CSMD3: variants seen among roughly 807,000 people sequenced by gnomAD.
CSMD3 encodes CUB and sushi domain-containing protein 3.
In CSMD3, 177 loss-of-function variants were observed where a neutral mutation model predicts 435.2. That is an observed-to-expected ratio of 0.41 (90% CI 0.36 to 0.46). The LOEUF (loss-of-function observed/expected upper bound fraction) is 0.46. Among genes scored for constraint, CSMD3 ranks in the 20% least tolerant of loss-of-function variants. The pLI is 0.34. For synonymous variants in CSMD3, 1,656 were observed against 1,520.5 expected, an observed-to-expected ratio of 1.09 and a Z score of -2.07; for missense variants, 4,265 against 4,504.6, an observed-to-expected ratio of 0.95 and a Z score of 1.52.
At chr8:113,340,614 C>T (rs1484608035) in intron 1 of CSMD3, among the ~76,000 whole-genome samples, 1 of 152,092 alleles carries the variant, frequency 6.6e-6, no homozygotes, top group Non-Finnish European at 1.5e-5. Flanking sequence ...GTGGTGCACA[C>T]TTGTAATCCC....
Position 112,636,878 on chromosome 8 carries a change from T to A in CSMD3, c.3654A>T (p.Ser1218=), listed in dbSNP as rs2074675301. ...CSSGYRLEGT[S]EIICLGGGRR... ...GGCCACCACCAAGACAGATGATCTCTGATGTTCCTTCCAGTCGATAACCCG... is the reference window on the plus strand; with the variant it reads ...GGCCACCACCAAGACAGATGATCTCAGATGTTCCTTCCAGTCGATAACCCG... The change falls in exon 22 of 71, where the codon TCA becomes TCT. Residue 1218 remains serine (S), a synonymous_variant. Transcript: ENST00000297405. The A allele has an allele frequency of 6.2e-6, 10 of 1,612,878 alleles. No individual in the cohort carries two copies. The highest frequency in any genetic ancestry group is 8.5e-6 in the Non-Finnish European group (10 of 1,179,564).
At chr8:113,340,379 G>A (rs2094110054) in intron 1 of CSMD3, among the ~76,000 whole-genome samples, 1 of 152,012 alleles carries the variant, frequency 6.6e-6, no homozygotes, top group Admixed American at 6.6e-5. Context: ...ACACCCAGAA[G>A]ACATAAATAC....
At chr8:113,221,384 C>T (rs1305157682) in intron 3 of CSMD3, among the ~76,000 whole-genome samples, 4 of 150,292 alleles carry the variant, frequency 2.7e-5, no homozygotes, top group Non-Finnish European at 4.5e-5. Context: ...CACACACACA[C>T]GGAGGTAAGG....
intron 5 of CSMD3, among the ~76,000 whole-genome samples, chr8:113,074,456 A>G (rs1260103300): frequency 6.6e-6 from 1 of 151,874 alleles, no homozygotes; most frequent in East Asian, 1.9e-4. Context: ...CTTAAGACAG[A>G]CCTTTCTACC....
At chr8:113,081,139 TATTA>T (rs2089546547) in intron 5 of CSMD3, among the ~76,000 whole-genome samples, 1 of 152,218 alleles carries the variant, frequency 6.6e-6, no homozygotes. Context: ...CTGCAAATTT[TATTA>T]ATTAGGCTCC....
chr8:112,828,684 T>C (rs2079772028), intron 12 of CSMD3, among the ~76,000 whole-genome samples: 2 of 152,266 alleles, frequency 1.3e-5, no homozygotes, highest in South Asian at 2.1e-4. Context: ...ATTGAACATA[T>C]AAAGCATGTA....
At chr8:112,593,314 G>C (rs1415199626) in intron 22 of CSMD3, among the ~76,000 whole-genome samples, 1 of 152,156 alleles carries the variant, frequency 6.6e-6, no homozygotes, top group African/African-American at 2.4e-5. Flanking sequence ...CCCTAGAGAA[G>C]ATTGTTGTAG....
chr8:112,755,802 TATATATAATAA>T (rs1006273792), intron 13 of CSMD3, among the ~76,000 whole-genome samples: 59 of 148,688 alleles, frequency 4.0e-4, no homozygotes, highest in African/African-American at 1.4e-3. Context: ...TTGCATATAT[TATATATAATAA>T]ATATATAATA....
chr8:112,271,232 TAACA>T (rs1276583067), intron 59 of CSMD3, among the ~76,000 whole-genome samples: 1 of 152,182 alleles, frequency 6.6e-6, no homozygotes, highest in Non-Finnish European at 1.5e-5. Context: ...ATATCATTGA[TAACA>T]AATAAATAGG....
chr8:113,043,764 A>AAGAAGC lies in CSMD3; in HGVS notation c.918-24591_918-24586dup, dbSNP rs544478910. On this transcript the variant is annotated intron_variant, in intron 5 of 70. Transcript: ENST00000297405. ...AGTAATTTTGTATCTAATAATTTAG[A>AAGAAGC]AGAAGCAACTTCTTCCTAAAAGGAA... Among the ~76,000 whole-genome samples the AAGAAGC allele has an allele frequency of 4.1e-4, 63 of 152,238 alleles. 1 individual carries two copies. In the South Asian group the frequency reaches 0.013, roughly 32 times the overall value.
At chr8:112,332,348 A>C (rs1322274381) in intron 45 of CSMD3, among the ~76,000 whole-genome samples, 2 of 152,170 alleles carry the variant, frequency 1.3e-5, no homozygotes, top group Non-Finnish European at 2.9e-5. Flanking sequence ...AAATAACTGA[A>C]GATGAGTTAA....
chr8:112,386,729 C>G (rs971036028), intron 36 of CSMD3, among the ~76,000 whole-genome samples: 1 of 151,190 alleles, frequency 6.6e-6, no homozygotes, highest in African/African-American at 2.4e-5. Context: ...TATCTCCTGA[C>G]CTCGTGATCC....
At chr8:113,104,625 G>A (rs1479105139) in intron 4 of CSMD3, among the ~76,000 whole-genome samples, 3 of 151,886 alleles carry the variant, frequency 2.0e-5, no homozygotes, top group Admixed American at 6.6e-5. Flanking sequence ...TGTTTGTCAC[G>A]GTACAACAAA....
At chr8:113,294,065 C>T (rs895042253) in intron 2 of CSMD3, among the ~76,000 whole-genome samples, 15 of 151,958 alleles carry the variant, frequency 9.9e-5, no homozygotes, top group African/African-American at 3.4e-4. Flanking sequence ...ACTCACTGTA[C>T]TCTCTGAGCC....
intron 27 of CSMD3, among the ~76,000 whole-genome samples, chr8:112,533,643 GGAGAGA>G (rs1440133361): frequency 6.6e-6 from 1 of 151,852 alleles, no homozygotes; most frequent in Non-Finnish European, 1.5e-5. Flanking sequence ...ACAGCTAAAG[GGAGAGA>G]GAAAGAACAG....
At chr8:112,807,528 G>C (rs933394384) in intron 12 of CSMD3, among the ~76,000 whole-genome samples, 6 of 150,178 alleles carry the variant, frequency 4.0e-5, no homozygotes, top group Non-Finnish European at 5.9e-5. Flanking sequence ...AGGTAGGTAG[G>C]TAGGTAGGTA....
At chr8:113,232,845 C>T (rs1321587917) in intron 3 of CSMD3, among the ~76,000 whole-genome samples, 1 of 151,768 alleles carries the variant, frequency 6.6e-6, no homozygotes, top group Non-Finnish European at 1.5e-5. Flanking sequence ...GTTAACTCTA[C>T]TGTAAGTGTT....
intron 7 of CSMD3, among the ~76,000 whole-genome samples, chr8:112,958,439 T>G (rs2084110964): frequency 6.6e-6 from 1 of 152,160 alleles, no homozygotes; most frequent in African/African-American, 2.4e-5. Context: ...CTTTATTTAG[T>G]TGTAAGCCCT....
At chr8:113,353,471 C>T (rs1303752400) in intron 1 of CSMD3, among the ~76,000 whole-genome samples, 1 of 152,160 alleles carries the variant, frequency 6.6e-6, no homozygotes, top group African/African-American at 2.4e-5. Context: ...AACACTGAAA[C>T]ACTAAATTAT....
Sources: gnomAD v4.1 joint callset for allele counts (sites outside exome capture counted in the v4.1 genomes callset) on GRCh38, gnomAD v4.1.1 for gene constraint, MANE v1.5 for transcripts, NCBI Gene and HGNC (gene_info 2026-07-23, HGNC 2026-07-21) for gene names.